The following HCN1 variants were observed in gnomAD, a reference collection of about 807,000 sequenced individuals.
HCN1 encodes hyperpolarization activated cyclic nucleotide gated potassium channel 1.
Under a neutral mutation model 78.9 loss-of-function variants are expected in HCN1, and 13 were observed. The ratio of observed to expected loss-of-function variants is 0.16; its 90% CI spans 0.11 to 0.26. HCN1 has a LOEUF of 0.26. HCN1 is among the 10% of genes least tolerant of loss of function. HCN1 has a pLI of 1.00. For missense variants in HCN1, 810 were observed against 1,154.3 expected (o/e 0.70, Z 4.32); for synonymous variants, 552 against 455.5 (o/e 1.21, Z -2.70).
chr5:45,480,996 T>C (rs1010665502), intron 2 of HCN1, among the ~76,000 whole-genome samples: 7 of 152,206 alleles, frequency 4.6e-5, no homozygotes, highest in African/African-American at 1.7e-4. Context: ...AATGCTAGAA[T>C]GTAAGGCTTA....
intron 2 of HCN1, among the ~76,000 whole-genome samples, chr5:45,551,299 C>T (rs779664830): frequency 5.9e-5 from 9 of 151,752 alleles, no homozygotes; most frequent in Non-Finnish European, 1.3e-4. Flanking sequence ...ATATATTATG[C>T]TCTTATCTAT....
rs1747564373 is a variant in HCN1 at position 45,374,714 on chromosome 5, T to C, written c.1231-21468A>G. On this transcript the variant is annotated intron_variant, in intron 4 of 7. Transcript: ENST00000303230. ...AAAAAAAGAAAACTTCAGGTAAATA[T>C]GCTTGATGAACACAGATACAAAACT... 6.7e-5 allele frequency among the ~76,000 whole-genome samples: 10 copies of C among 150,366 alleles called. No individual in the cohort carries two copies. In the South Asian group the frequency reaches 1.9e-3, roughly 28 times the overall value.
intron 3 of HCN1, among the ~76,000 whole-genome samples, chr5:45,412,229 G>A (rs780339761): frequency 2.2e-4 from 33 of 152,098 alleles, no homozygotes; most frequent in Admixed American, 2.0e-4. Context: ...ATCTGCTTCA[G>A]TGAGTTTAAA....
chr5:45,504,639 G>A (rs1446546876), intron 2 of HCN1, among the ~76,000 whole-genome samples: 1 of 152,062 alleles, frequency 6.6e-6, no homozygotes, highest in Non-Finnish European at 1.5e-5. Context: ...TGGGTCAAAT[G>A]GTATTTCTAG....
chr5:45,526,225 C>T (rs1236391525), intron 2 of HCN1, among the ~76,000 whole-genome samples: 1 of 152,082 alleles, frequency 6.6e-6, no homozygotes, highest in African/African-American at 2.4e-5. Flanking sequence ...GATTCTAATT[C>T]CCAGTTTTTG....
At chr5:45,530,177 CT>C (rs1256402269) in intron 2 of HCN1, among the ~76,000 whole-genome samples, 1 of 151,976 alleles carries the variant, frequency 6.6e-6, no homozygotes, top group Admixed American at 6.6e-5. Flanking sequence ...TGCTTCTCAG[CT>C]CTTTTTTTCA....
chr5:45,364,609 G>C (rs1376744063), intron 4 of HCN1, among the ~76,000 whole-genome samples: 2 of 151,982 alleles, frequency 1.3e-5, no homozygotes, highest in Non-Finnish European at 2.9e-5. Flanking sequence ...CTACAGACTT[G>C]GTTTTGGGTA....
intron 2 of HCN1, among the ~76,000 whole-genome samples, chr5:45,495,684 T>G (rs1403920560): frequency 6.6e-6 from 1 of 152,146 alleles, no homozygotes; most frequent in African/African-American, 2.4e-5. Flanking sequence ...GTGCCAGTTT[T>G]CAAAGGGAAT....
chr5:45,470,057 G>T (rs1015746835), intron 2 of HCN1, among the ~76,000 whole-genome samples: 2 of 151,930 alleles, frequency 1.3e-5, no homozygotes, highest in African/African-American at 4.8e-5. Flanking sequence ...AGAAAAACAG[G>T]CTTCTGAAAA....
chr5:45,376,220 A>T (rs1473908760), intron 4 of HCN1, among the ~76,000 whole-genome samples: 3 of 108,462 alleles, frequency 2.8e-5, no homozygotes, highest in Non-Finnish European at 5.1e-5. Context: ...ATAATACATT[A>T]TATATAATAT....
At chr5:45,383,224 A>T (rs1321255610) in intron 4 of HCN1, among the ~76,000 whole-genome samples, 1 of 152,208 alleles carries the variant, frequency 6.6e-6, no homozygotes, top group Non-Finnish European at 1.5e-5. Flanking sequence ...ATTTTAAAAA[A>T]TGCAATGGGC....
Position 45,261,009 on chromosome 5 carries a change from T to G in HCN1, c.*912A>C, listed in dbSNP as rs2111836650. 1 of 152,730 alleles carries G rather than the reference T, an allele frequency of 6.5e-6. No homozygotes were observed. Among genetic ancestry groups the G allele is most frequent in the Non-Finnish European group, 1.5e-5 (1 of 68,014 alleles). The allele number at this position is 152,730 out of a possible 1,614,324, so 9.5% of individuals were successfully genotyped here. ...AATTTGTAGATTCGAGCATACAATT[T>G]TGCATAAAACATTGCAGGTTAAAAT... On this transcript the variant is annotated 3_prime_UTR_variant, in exon 8 of 8. Transcript: ENST00000303230.
intron 2 of HCN1, among the ~76,000 whole-genome samples, chr5:45,599,829 T>C (rs1744587829): frequency 6.6e-6 from 1 of 152,126 alleles, no homozygotes; most frequent in African/African-American, 2.4e-5. Flanking sequence ...TTTTCTGTTT[T>C]TTTTTTCCAT....
intron 5 of HCN1, among the ~76,000 whole-genome samples, chr5:45,336,245 C>T (rs550565474): frequency 1.6e-4 from 24 of 151,932 alleles, no homozygotes; most frequent in Non-Finnish European, 2.9e-4. Context: ...ACAGCCAGAG[C>T]GCAACCAGAG....
intron 3 of HCN1, among the ~76,000 whole-genome samples, chr5:45,408,904 C>A (rs1442672243): frequency 6.6e-6 from 1 of 152,050 alleles, no homozygotes; most frequent in Non-Finnish European, 1.5e-5. Context: ...CTGCCTAATG[C>A]ATTAAAGAAG....
At chr5:45,622,057 A>G (rs562358656) in intron 2 of HCN1, among the ~76,000 whole-genome samples, 2 of 152,020 alleles carry the variant, frequency 1.3e-5, no homozygotes, top group Admixed American at 6.5e-5. Flanking sequence ...CGTCTCTACT[A>G]AAAAATACAA....
intron 3 of HCN1, among the ~76,000 whole-genome samples, chr5:45,410,844 T>C (rs187380174): frequency 3.3e-5 from 5 of 152,202 alleles, no homozygotes; most frequent in Admixed American, 2.6e-4. Flanking sequence ...GTGTTCTTAG[T>C]ATGAAAGGCT....
At chr5:45,284,697 C>T (rs188997882) in intron 6 of HCN1, among the ~76,000 whole-genome samples, 30 of 152,188 alleles carry the variant, frequency 2.0e-4, no homozygotes, top group African/African-American at 6.3e-4. Context: ...CAGCATGAAC[C>T]AGGCATATTT....
chr5:45,595,032 T>C (rs1383857624), intron 2 of HCN1, among the ~76,000 whole-genome samples: 1 of 152,184 alleles, frequency 6.6e-6, no homozygotes, highest in Non-Finnish European at 1.5e-5. Context: ...GGATGTGGAA[T>C]GACTTTATCC....
Sources: gnomAD v4.1 joint callset for allele counts (sites outside exome capture counted in the v4.1 genomes callset) on GRCh38, gnomAD v4.1.1 for gene constraint, MANE v1.5 for transcripts, NCBI Gene and HGNC (gene_info 2026-07-23, HGNC 2026-07-21) for gene names.